NOX4: variants seen among roughly 807,000 people sequenced by gnomAD.
NOX4 encodes the protein kidney oxidase-1.
NOX4 carries 69 observed loss-of-function variants against 87.6 expected under a neutral mutation model. That is an observed-to-expected ratio of 0.79 (90% confidence interval 0.65 to 0.96). The LOEUF (loss-of-function observed/expected upper bound fraction) is 0.96, where lower values mean the gene tolerates loss of function less well. Among genes scored for constraint, NOX4 ranks in the 40% least tolerant of loss-of-function variants. The probability of loss-of-function intolerance (pLI) is 0.00; values close to 1 mark genes in which losing one functional copy is unlikely to be tolerated. For missense variants in NOX4, 680 were observed against 681.5 expected, an observed-to-expected ratio of 1.00 and a Z score of 0.02; for synonymous variants, 275 against 238.2, an observed-to-expected ratio of 1.15 and a Z score of -1.42.
intron 11 of NOX4, among the ~76,000 whole-genome samples, chr11:89,386,367 C>T (rs964498710): frequency 1.3e-5 from 2 of 152,168 alleles, no homozygotes; most frequent in African/African-American, 4.8e-5. Flanking sequence ...TTCAAACCAT[C>T]ATAACTGATA....
the NOX4 span, chr11:89,589,485 C>T: frequency 2.0e-5 from 3 of 152,314 alleles, no homozygotes; most frequent in Non-Finnish European, 4.4e-5. Flanking sequence ...AGCAGGCATG[C>T]TGTGAGAAGT....
At chr11:89,497,569 T>G (rs533901671) in intron 1 of NOX4, among the ~76,000 whole-genome samples, 18 of 152,358 alleles carry the variant, frequency 1.2e-4, no homozygotes, top group Admixed American at 3.3e-4. Flanking sequence ...AGCCTTTTTC[T>G]CAGCTCATTG....
Position 89,402,413 on chromosome 11 carries a change from T to G in NOX4, c.759A>C (p.Glu253Asp), listed in dbSNP as rs1565243412. The G allele has an allele frequency of 6.2e-7, 1 of 1,613,142 alleles. No individual in the cohort carries two copies. Among genetic ancestry groups the G allele is most frequent in the Non-Finnish European group, 8.5e-7 (1 of 1,179,660 alleles). ...FSEHFHEPFP[E>D]GFSKPAEFTQ... ...TAAACTCTGCCGGTTTTGAAAATCCTTCAGGGAAAGGTTCATGAAAATGTT... is the reference window on the plus strand; with the variant it reads ...TAAACTCTGCCGGTTTTGAAAATCCGTCAGGGAAAGGTTCATGAAAATGTT... The change falls in exon 9 of 18, where the codon GAA becomes GAC. Residue 253 changes from glutamate to aspartate, a missense_variant. Physicochemically the swap from Glu to Asp is conservative, Grantham distance 45. Transcript: ENST00000263317.
At chr11:89,400,462 A>G (rs1941771178) in intron 9 of NOX4, 83 bp from the exon 10 acceptor site, 1 of 836,972 alleles carries the variant, frequency 1.2e-6, no homozygotes, top group South Asian at 3.3e-5. Context: ...TATTGCATAC[A>G]TTACAGTAAT....
chr11:89,334,599 T>C (rs1945617400), intron 17 of NOX4, among the ~76,000 whole-genome samples: 1 of 151,758 alleles, frequency 6.6e-6, no homozygotes, highest in Non-Finnish European at 1.5e-5. Flanking sequence ...AATTGGATTT[T>C]TTAAAAAATA....
At chr11:89,451,919 C>T in intron 2 of NOX4, 24 bp from the exon 3 acceptor site, 3 of 1,523,874 alleles carry the variant, frequency 2.0e-6, no homozygotes, top group Non-Finnish European at 2.7e-6. Context: ...GCAAGGTCAG[C>T]ACACAGTTAA....
chr11:89,461,410 T>G (rs1450244512), intron 2 of NOX4, among the ~76,000 whole-genome samples: 2 of 151,814 alleles, frequency 1.3e-5, no homozygotes, highest in Non-Finnish European at 2.9e-5. Context: ...TTTGGGAGGC[T>G]AAGGCTGGCG....
the NOX4 span, among the ~76,000 whole-genome samples, chr11:89,579,236 C>T: frequency 6.6e-6 from 1 of 152,038 alleles, no homozygotes; most frequent in African/African-American, 2.4e-5. Context: ...GAATACATGC[C>T]ATTATTCATT....
chr11:89,424,412 G>A (rs1238548624), intron 7 of NOX4, among the ~76,000 whole-genome samples: 2 of 149,980 alleles, frequency 1.3e-5, no homozygotes, highest in South Asian at 2.1e-4. Context: ...TACTTTTTCT[G>A]GAAATAATGG....
intron 11 of NOX4, among the ~76,000 whole-genome samples, chr11:89,391,408 G>GT (rs1941109804): frequency 6.6e-6 from 1 of 152,104 alleles, no homozygotes; most frequent in Non-Finnish European, 1.5e-5. Flanking sequence ...GTTTCCCAGG[G>GT]TGAGACCCAA....
At chr11:89,546,908 T>C in the NOX4 span, among the ~76,000 whole-genome samples, 1 of 152,206 alleles carries the variant, frequency 6.6e-6, no homozygotes, top group African/African-American at 2.4e-5. Flanking sequence ...TAATGAATTG[T>C]TTCCAACACA....
chr11:89,570,001 CAAAA>C, the NOX4 span, among the ~76,000 whole-genome samples: 2 of 109,920 alleles, frequency 1.8e-5, no homozygotes, highest in Admixed American at 1.8e-4. Flanking sequence ...GACTCTGTCT[CAAAA>C]AAAAAAAAAA....
At chr11:89,546,220 CTATT>C in the NOX4 span, among the ~76,000 whole-genome samples, 2,287 of 152,184 alleles carry the variant, frequency 0.015, 51 homozygotes, top group African/African-American at 0.048. Context: ...CACTTAATAA[CTATT>C]TATAACTACT....
chr11:89,399,272 C>T (rs1941677769), intron 11 of NOX4, among the ~76,000 whole-genome samples: 2 of 150,428 alleles, frequency 1.3e-5, no homozygotes, highest in African/African-American at 4.9e-5. Flanking sequence ...TGGATTTTAC[C>T]TTTTCTAAAC....
intron 11 of NOX4, among the ~76,000 whole-genome samples, chr11:89,385,936 C>A (rs1035143952): frequency 6.6e-6 from 1 of 152,128 alleles, no homozygotes; most frequent in African/African-American, 2.4e-5. Context: ...CAATAATGGA[C>A]CGGCCTTTAT....
chr11:89,437,830 C>A (rs1231301319), intron 6 of NOX4, among the ~76,000 whole-genome samples: 1 of 151,988 alleles, frequency 6.6e-6, no homozygotes, highest in Non-Finnish European at 1.5e-5. Flanking sequence ...TCACAGATAC[C>A]AAGTTTGAGA....
chr11:89,571,950 G>C, the NOX4 span, among the ~76,000 whole-genome samples: 1 of 152,196 alleles, frequency 6.6e-6, no homozygotes, highest in South Asian at 2.1e-4. Flanking sequence ...ATGTAAAAAT[G>C]TAGATTCACT....
chr11:89,480,457 T>C (rs568159414), intron 2 of NOX4, among the ~76,000 whole-genome samples: 31 of 152,258 alleles, frequency 2.0e-4, no homozygotes, highest in African/African-American at 6.5e-4. Flanking sequence ...CTCAGCACAA[T>C]ATTCTGAGAT....
upstream of NOX4, among the ~76,000 whole-genome samples, chr11:89,494,911 G>A (rs949461437): frequency 6.6e-6 from 1 of 152,216 alleles, no homozygotes; most frequent in East Asian, 1.9e-4. Context: ...AGTATTATTG[G>A]TTCAAAATCA....
Sources: allele counts gnomAD v4.1 joint callset (sites outside exome capture counted in the v4.1 genomes callset), GRCh38; gene constraint gnomAD v4.1.1; transcripts MANE v1.5; gene names NCBI Gene and HGNC (gene_info 2026-07-23, HGNC 2026-07-21).